Variants in APP observed in about 807,000 individuals in gnomAD.
APP encodes amyloid beta precursor protein, also known as amyloid-beta precursor protein.
In APP, 31 loss-of-function variants were observed where a neutral mutation model predicts 101.4. The ratio of observed to expected loss-of-function variants is 0.31; its 90% CI spans 0.23 to 0.41. The LOEUF is 0.41. Ranked by LOEUF, APP falls within the 10% of genes least tolerant of loss-of-function variation. The probability of loss-of-function intolerance (pLI) is 1.00; values close to 1 mark genes in which losing one functional copy is unlikely to be tolerated. For synonymous variants in APP, 366 were observed against 364.4 expected (o/e 1.00, Z -0.05); for missense variants, 839 against 1,003.7 (o/e 0.84, Z 2.22).
At chr21:25,905,114 A>G (rs1202203033) in intron 14 of APP, 37 bp from the exon 15 acceptor site, 1 of 1,574,326 alleles carries the variant, frequency 6.4e-7, no homozygotes, top group Non-Finnish European at 8.7e-7. Context: ...AAAGCAAACA[A>G]GACAAATCAA....
Position 26,068,955 on chromosome 21 carries a change from C to T in APP, c.356-15607G>A, listed in dbSNP as rs551407421. Among the ~76,000 whole-genome samples, 17 of 152,284 alleles carry T rather than the reference C, an allele frequency of 1.1e-4. No homozygotes were observed. In the South Asian group the frequency reaches 3.1e-3, roughly 28 times the overall value. On this transcript the variant is annotated intron_variant, in intron 3 of 17. Coordinates refer to ENST00000346798, the MANE Select transcript of APP (RefSeq NM_000484.4). ...TTAGCAAATGTACTAGAATCAAGTG[C>T]CCAACTGATTATCAAATTCCGGAAG...
At chr21:25,997,564 CAT>C in intron 7 of APP, 148 bp from the exon 8 acceptor site, 1 of 694,924 alleles carries the variant, frequency 1.4e-6, no homozygotes, top group South Asian at 1.6e-5. Context: ...CCAAAATGAA[CAT>C]ATAAACATAA....
intron 2 of APP, among the ~76,000 whole-genome samples, chr21:26,104,154 C>T (rs551276821): frequency 2.0e-5 from 3 of 152,240 alleles, no homozygotes; most frequent in East Asian, 3.9e-4. Flanking sequence ...AGTTCCATCA[C>T]GGGGGCACAT....
intron 3 of APP, among the ~76,000 whole-genome samples, chr21:26,055,723 T>C (rs1009376334): frequency 6.6e-6 from 1 of 152,228 alleles, no homozygotes; most frequent in Non-Finnish European, 1.5e-5. Flanking sequence ...TGCTTTTCTA[T>C]TTGACAAGTA....
chr21:25,908,424 A>T (rs951002815), intron 14 of APP, among the ~76,000 whole-genome samples: 1 of 152,222 alleles, frequency 6.6e-6, no homozygotes, highest in African/African-American at 2.4e-5. Flanking sequence ...TGAGGACTGC[A>T]TGAAGAACAA....
rs568821616 is a variant in APP at position 26,009,123 on chromosome 21, C to T, written c.866-8941G>A. Among the ~76,000 whole-genome samples, 15 of 152,198 alleles carry T rather than the reference C, an allele frequency of 9.9e-5. No individual in the cohort carries two copies. The South Asian group carries it at 1.5e-3, about 15-fold the overall frequency. On this transcript the variant is annotated intron_variant, in intron 6 of 17. Transcript: ENST00000346798. Reference sequence around the variant, plus strand: ...TTTAAATGCAATAGATATGTCAAAACGTGAGACATAAGATTTAATCATTTT... The same window carrying T: ...TTTAAATGCAATAGATATGTCAAAATGTGAGACATAAGATTTAATCATTTT...
intron 3 of APP, chr21:26,089,446 C>G (rs2061771648): frequency 6.6e-6 from 1 of 151,444 alleles, no homozygotes; most frequent in Non-Finnish European, 1.5e-5. Flanking sequence ...AAAAGCCTTC[C>G]CAATTCCAAT....
intron 1 of APP, among the ~76,000 whole-genome samples, chr21:26,119,027 A>G (rs750413258): frequency 2.0e-5 from 3 of 152,214 alleles, no homozygotes; most frequent in Non-Finnish European, 2.9e-5. Flanking sequence ...TCAAAGACCT[A>G]CTAAGGCCTT....
chr21:25,940,265 TAGTAAGGGATATCAGGTGACAAGCAGA>T (rs2040520786), intron 13 of APP, among the ~76,000 whole-genome samples: 1 of 152,152 alleles, frequency 6.6e-6, no homozygotes, highest in Non-Finnish European at 1.5e-5. Flanking sequence ...ATATTAGTAG[TAGTAAGGGATATCAGGTGACAAGCAGA>T]AGTGCCCCTC....
intron 17 of APP, among the ~76,000 whole-genome samples, chr21:25,887,909 G>T (rs9976453): frequency 6.6e-6 from 1 of 152,090 alleles, no homozygotes; most frequent in Non-Finnish European, 1.5e-5. Flanking sequence ...GTTCTCTCCA[G>T]TGTGAAGTGG....
Position 26,053,950 on chromosome 21 carries a change from C to A in APP, c.356-602G>T, listed in dbSNP as rs144234140. Among the ~76,000 whole-genome samples the A allele has an allele frequency of 5.0e-3, 762 of 152,246 alleles. 3 individuals carry two copies. Among genetic ancestry groups the A allele is most frequent in the Admixed American group, 7.1e-3 (109 of 15,294 alleles). On this transcript the variant is annotated intron_variant, in intron 3 of 17. Coordinates refer to ENST00000346798, the MANE Select transcript of APP (RefSeq NM_000484.4). ...AAAATGTATATTATGCAAATTATTT[C>A]TAGGCATTTCTGGTATTGAAGATAT...
intron 1 of APP, among the ~76,000 whole-genome samples, chr21:26,142,045 T>C (rs2063057142): frequency 6.6e-6 from 1 of 152,106 alleles, no homozygotes; most frequent in African/African-American, 2.4e-5. Context: ...TGCAGCAAGA[T>C]GGAAGAATAG....
Position 26,003,877 on chromosome 21 carries a change from G to A in APP, c.866-3695C>T, listed in dbSNP as rs3787638. ...TTCCTACAGCAGTGAAGCTGACTTC[G>A]GAGAGGACTGGGAAAGGAATGGAAC... On this transcript the variant is annotated intron_variant, in intron 6 of 17. Coordinates refer to ENST00000346798, the MANE Select transcript of APP (RefSeq NM_000484.4). Among the ~76,000 whole-genome samples the A allele has an allele frequency of 2.3e-3, 345 of 152,292 alleles. 7 individuals carry two copies. In the East Asian group the frequency reaches 0.038, roughly 17 times the overall value.
intron 13 of APP, among the ~76,000 whole-genome samples, chr21:25,925,976 A>G (rs989097591): frequency 1.3e-5 from 2 of 152,166 alleles, no homozygotes; most frequent in African/African-American, 2.4e-5. Context: ...CAAAAAAACA[A>G]TTCTCAAAAA....
intron 15 of APP, among the ~76,000 whole-genome samples, chr21:25,903,794 T>A (rs575369492): frequency 6.6e-6 from 1 of 152,332 alleles, no homozygotes; most frequent in East Asian, 1.9e-4. Flanking sequence ...TAAGTTCCCC[T>A]TAAAAGCCTA....
intron 13 of APP, among the ~76,000 whole-genome samples, chr21:25,941,085 T>A (rs574528267): frequency 2.6e-5 from 4 of 152,322 alleles, no homozygotes; most frequent in African/African-American, 9.6e-5. Context: ...TGATACATAC[T>A]CTCAAAAAGC....
intron 6 of APP, among the ~76,000 whole-genome samples, chr21:26,009,111 G>T (rs982501008): frequency 6.6e-6 from 1 of 152,194 alleles, no homozygotes; most frequent in African/African-American, 2.4e-5. Flanking sequence ...AAATGCAATA[G>T]ATATGTCAAA....
At chr21:26,157,688 T>C (rs1007097109) in intron 1 of APP, among the ~76,000 whole-genome samples, 3 of 152,208 alleles carry the variant, frequency 2.0e-5, no homozygotes, top group South Asian at 2.1e-4. Flanking sequence ...TTTAGAATAA[T>C]TGAACAAGAA....
intron 13 of APP, among the ~76,000 whole-genome samples, chr21:25,930,905 G>A (rs980095939): frequency 6.6e-6 from 1 of 152,204 alleles, no homozygotes; most frequent in African/African-American, 2.4e-5. Flanking sequence ...CACATGGGGG[G>A]CTTGGAAATG....
Sources: gnomAD v4.1 joint callset for allele counts (sites outside exome capture counted in the v4.1 genomes callset) on GRCh38, gnomAD v4.1.1 for gene constraint, MANE v1.5 for transcripts, NCBI Gene and HGNC (gene_info 2026-07-23, HGNC 2026-07-21) for gene names.